Variants in BMP7 observed in about 807,000 individuals in gnomAD.
BMP7 encodes osteogenic protein 1.
In BMP7, 12 loss-of-function variants were observed where a neutral mutation model predicts 41.2. The ratio of observed to expected loss-of-function variants is 0.29; its 90% CI spans 0.19 to 0.47. The LOEUF (loss-of-function observed/expected upper bound fraction) is 0.47. BMP7 is among the 20% of genes least tolerant of loss of function. The probability of loss-of-function intolerance (pLI) is 0.99; values close to 1 mark genes in which losing one functional copy is unlikely to be tolerated. For synonymous variants in BMP7, 248 were observed against 250.0 expected (o/e 0.99, Z 0.07); for missense variants, 467 against 606.0 (o/e 0.77, Z 2.41).
At chr20:57,260,232 A>C (rs546983148) in intron 1 of BMP7, among the ~76,000 whole-genome samples, 1 of 152,306 alleles carries the variant, frequency 6.6e-6, no homozygotes, top group Non-Finnish European at 1.5e-5. Context: ...GCTTCCGAGA[A>C]AGGATTTTAG....
At chr20:57,254,441 G>A (rs2066126131) in intron 1 of BMP7, among the ~76,000 whole-genome samples, 1 of 152,074 alleles carries the variant, frequency 6.6e-6, no homozygotes, top group Admixed American at 6.5e-5. Context: ...CACCCTGAAG[G>A]TAGGGAGTCC....
rs540703148 is a variant in BMP7 at position 57,171,172 on chromosome 20, C to T, written c.1147-64G>A. 76 of 1,605,494 alleles carry T rather than the reference C, an allele frequency of 4.7e-5. 1 individual carries two copies. The highest frequency in any genetic ancestry group is 1.6e-4 in the Middle Eastern group (1 of 6,064). On this transcript the variant is annotated intron_variant, in intron 6 of 6. Coordinates refer to ENST00000395863, the MANE Select transcript of BMP7 (RefSeq NM_001719.3). This position sits in a 1 kb window ranked among gnomAD's most constrained non-coding sequence, Gnocchi z 4.5. The stretch of plus-strand genomic sequence containing the variant: ...GGTGAGTCGTTCTAACTGGCCTCCA[C>T]GTTTCTATAAAGAAACATCCTGTCT...
intron 2 of BMP7, among the ~76,000 whole-genome samples, chr20:57,226,824 CTTTT>C (rs36113686): frequency 8.1e-6 from 1 of 123,182 alleles, no homozygotes; most frequent in Admixed American, 8.5e-5. Context: ...TACTCAAAAA[CTTTT>C]TTTTTTTTTT....
At chr20:57,202,658 T>TA in intron 2 of BMP7, 35 bp from the exon 3 acceptor site, 7 of 1,598,086 alleles carry the variant, frequency 4.4e-6, no homozygotes, top group Non-Finnish European at 6.0e-6. Context: ...GGCTTCGCGT[T>TA]AGCCAGGTCA....
At chr20:57,219,246 C>G (rs866148660) in intron 2 of BMP7, among the ~76,000 whole-genome samples, 5 of 126,268 alleles carry the variant, frequency 4.0e-5, no homozygotes, top group South Asian at 2.1e-4. Flanking sequence ...CTGGTGTTTG[C>G]TGGTAGCTGG....
In BMP7 at chr20:57,173,263, C is replaced by T. The variant is rs770187349; in HGVS notation, c.1083G>A (p.Gly361=). The T allele has an allele frequency of 6.2e-7, 1 of 1,614,186 alleles. No individual in the cohort carries two copies. Among genetic ancestry groups the T allele is most frequent in the Non-Finnish European group, 8.5e-7 (1 of 1,180,038 alleles). ...PEGYAAYYCE[G]ECAFPLNSYM... ...AGGAGTTCAGAGGGAAGGCACACTCCCCCTCACAGTAGTAGGCGGCGTAGC... is the reference window on the plus strand; with the variant it reads ...AGGAGTTCAGAGGGAAGGCACACTCTCCCTCACAGTAGTAGGCGGCGTAGC... Residue 361 remains glycine, a synonymous_variant, in exon 6 of 7, where the codon GGG becomes GGA. Coordinates refer to ENST00000395863, the MANE Select transcript of BMP7 (RefSeq NM_001719.3).
At position 57,228,278 on chromosome 20, in the gene BMP7, C is replaced by T. The variant is rs1318429345; in HGVS notation, c.562G>A (p.Glu188Lys). 1.9e-6 allele frequency: 3 copies of T among 1,614,124 alleles called. No homozygotes were observed. Among genetic ancestry groups the T allele is most frequent in the Middle Eastern group, 1.7e-4 (1 of 6,046 alleles). Residue 188 changes from glutamate to lysine, a missense_variant, in exon 2 of 7, where the codon GAG becomes AAG. Around this residue, in one of 2 missense-constraint regions of BMP7, gnomAD observed 407 missense variants for 485.9 expected, o/e 0.84. Coordinates refer to ENST00000395863, the MANE Select transcript of BMP7 (RefSeq NM_001719.3). The surrounding 1 kb of genome is among the most constrained non-coding windows in gnomAD (Gnocchi z 4.5). ...KDYIRERFDN[E>K]TFRISVYQVL... ...TGATAAACGCTGATCCGGAACGTCT[C>T]ATTGTCGAAGCGTTCCCGGATGTAG...
intron 1 of BMP7, among the ~76,000 whole-genome samples, chr20:57,247,055 T>C (rs978808770): frequency 6.6e-6 from 1 of 151,992 alleles, no homozygotes; most frequent in Non-Finnish European, 1.5e-5. Context: ...TGTTCACTAC[T>C]GGGATGATTA....
chr20:57,175,946 C>T (rs750174841), intron 4 of BMP7, among the ~76,000 whole-genome samples: 112 of 152,344 alleles, frequency 7.4e-4, no homozygotes, highest in Non-Finnish European at 1.3e-3. Context: ...TCCCTGCAAT[C>T]TTTGTTGTGT....
At chr20:57,220,463 T>C (rs230212) in intron 2 of BMP7, among the ~76,000 whole-genome samples, 100,245 of 152,136 alleles carry the variant, frequency 0.66, 34,104 homozygotes, top group African/African-American at 0.83. Flanking sequence ...ATTCGAAACA[T>C]AGATGTTAAT....
rs143612244 is a variant in BMP7 at position 57,223,508 on chromosome 20, C to T, written c.611+4721G>A. Among the ~76,000 whole-genome samples, 4 of 152,338 alleles carry T rather than the reference C, an allele frequency of 2.6e-5. No homozygotes were observed. The East Asian group carries it at 7.7e-4, about 29-fold the overall frequency. On this transcript the variant is annotated intron_variant, in intron 2 of 6. Coordinates refer to ENST00000395863, the MANE Select transcript of BMP7 (RefSeq NM_001719.3). ...GAGGGAATCAGCACTATGGGAATCA[C>T]TGAGGCACGGCCATGGCTAAGATGG... is the stretch of plus-strand genomic sequence containing the variant.
At chr20:57,247,876 G>A (rs1490338542) in intron 1 of BMP7, among the ~76,000 whole-genome samples, 4 of 152,102 alleles carry the variant, frequency 2.6e-5, no homozygotes, top group Non-Finnish European at 5.9e-5. Context: ...TGACCTCCTC[G>A]GGTCATTTTC....
chr20:57,233,895 C>G (rs986249676), intron 1 of BMP7, among the ~76,000 whole-genome samples: 16 of 152,204 alleles, frequency 1.1e-4, no homozygotes, highest in Admixed American at 9.8e-4. Flanking sequence ...AGTCGTACAT[C>G]ATAATGCACA....
chr20:57,186,655 G>C (rs181761370), intron 3 of BMP7, among the ~76,000 whole-genome samples: 4 of 152,262 alleles, frequency 2.6e-5, no homozygotes, highest in African/African-American at 7.2e-5. Flanking sequence ...GTGCCCCCAA[G>C]TTAGATGGGA....
chr20:57,254,017 CTTTTTT>C (rs35180643), intron 1 of BMP7, among the ~76,000 whole-genome samples: 7 of 71,538 alleles, frequency 9.8e-5, no homozygotes, highest in South Asian at 1.1e-3. Context: ...GGTTTCTTTC[CTTTTTT>C]TTTTTTTTTT....
chr20:57,256,779 T>A (rs747220487), intron 1 of BMP7, among the ~76,000 whole-genome samples: 15 of 151,696 alleles, frequency 9.9e-5, no homozygotes, highest in Non-Finnish European at 2.2e-4. Context: ...TCCTAGCAAC[T>A]TCGGAGGCTG....
intron 1 of BMP7, among the ~76,000 whole-genome samples, chr20:57,257,536 GTCT>G (rs2066138411): frequency 6.6e-6 from 1 of 152,010 alleles, no homozygotes; most frequent in East Asian, 1.9e-4. Flanking sequence ...TTCTATTTTT[GTCT>G]ATGTTTTATG....
rs528182070 is a variant in BMP7 at position 57,191,548 on chromosome 20, C to T, written c.761-7629G>A. ...CCCCGTGTTGTAGAGACTAAAAACC[C>T]CGTGTTAGTAGAGACTAAAAACACA... On this transcript the variant is annotated intron_variant, in intron 3 of 6. Transcript: ENST00000395863. 7.2e-5 allele frequency among the ~76,000 whole-genome samples: 11 copies of T among 151,930 alleles called. No homozygotes were observed. In the South Asian group the frequency reaches 2.1e-3, roughly 29 times the overall value.
At chr20:57,193,180 AC>A (rs1293412477) in intron 3 of BMP7, among the ~76,000 whole-genome samples, 5 of 152,184 alleles carry the variant, frequency 3.3e-5, no homozygotes, top group Non-Finnish European at 1.5e-5. Flanking sequence ...TAGCGCGTGT[AC>A]AGACGCCGGT....
Sources: gnomAD v4.1 joint callset for allele counts (sites outside exome capture counted in the v4.1 genomes callset) on GRCh38, gnomAD v4.1.1 for gene constraint, gnomAD v4.1.1 regional missense constraint, Gnocchi (gnomAD v3.1) non-coding constraint, MANE v1.5 for transcripts, NCBI Gene and HGNC (gene_info 2026-07-23, HGNC 2026-07-21) for gene names.